Variants in ARB2A observed in about 807,000 individuals in gnomAD.
ARB2A encodes ARB2 cotranscriptional regulator A.
the ARB2A span, among the ~76,000 whole-genome samples, chr5:93,711,034 C>T: frequency 6.6e-6 from 1 of 152,062 alleles, no homozygotes; most frequent in Admixed American, 6.6e-5. Context: ...GACAGTAGCA[C>T]TTAAGAAACC....
chr5:94,041,027 C>A, the ARB2A span, among the ~76,000 whole-genome samples: 1 of 152,110 alleles, frequency 6.6e-6, no homozygotes. Context: ...AACCCAGAAG[C>A]CTGGCATGTC....
the ARB2A span, among the ~76,000 whole-genome samples, chr5:93,842,241 GCTGC>G: frequency 6.6e-6 from 1 of 152,196 alleles, no homozygotes; most frequent in Non-Finnish European, 1.5e-5. Context: ...TGAGCTGCAA[GCTGC>G]CTGCCTGTTT....
At chr5:93,873,660 A>C in the ARB2A span, among the ~76,000 whole-genome samples, 124 of 152,334 alleles carry the variant, frequency 8.1e-4, no homozygotes, top group Non-Finnish European at 1.0e-3. Context: ...TTTGGTGAAC[A>C]GTTAATGATT....
the ARB2A span, among the ~76,000 whole-genome samples, chr5:93,965,139 T>A: frequency 4.6e-5 from 7 of 152,014 alleles, no homozygotes; most frequent in African/African-American, 1.7e-4. Context: ...ATGGCGAGAT[T>A]TTCTAGGATT....
chr5:94,041,114 C>T, the ARB2A span, among the ~76,000 whole-genome samples: 1 of 151,880 alleles, frequency 6.6e-6, no homozygotes, highest in Non-Finnish European at 1.5e-5. Context: ...CTCTCTCTCT[C>T]TGTGCAAACC....
the ARB2A span, among the ~76,000 whole-genome samples, chr5:93,779,337 A>G: frequency 6.6e-6 from 1 of 152,180 alleles, no homozygotes; most frequent in South Asian, 2.1e-4. Context: ...GAAATGTGTT[A>G]CTATAGTTTA....
the ARB2A span, among the ~76,000 whole-genome samples, chr5:94,020,077 G>A: frequency 6.6e-6 from 1 of 152,156 alleles, no homozygotes; most frequent in African/African-American, 2.4e-5. Context: ...GTAATGCTAT[G>A]TAGCCATAAA....
the ARB2A span, among the ~76,000 whole-genome samples, chr5:94,046,413 AACTCTC>A: frequency 6.6e-6 from 1 of 152,022 alleles, no homozygotes; most frequent in Non-Finnish European, 1.5e-5. Flanking sequence ...TACCCCATGG[AACTCTC>A]ACTCTGGGAC....
the ARB2A span, among the ~76,000 whole-genome samples, chr5:94,024,370 G>T: frequency 6.6e-6 from 1 of 152,094 alleles, no homozygotes; most frequent in Non-Finnish European, 1.5e-5. Context: ...CCAGCCTGCT[G>T]GCCTCCCCCA....
the ARB2A span, chr5:93,740,412 C>A: frequency 2.8e-6 from 2 of 710,284 alleles, no homozygotes; most frequent in Non-Finnish European, 4.5e-6. Context: ...CCAGGTTTTT[C>A]TTGAACAATT....
At chr5:93,876,961 C>T in the ARB2A span, among the ~76,000 whole-genome samples, 3 of 152,154 alleles carry the variant, frequency 2.0e-5, no homozygotes, top group African/African-American at 7.2e-5. Flanking sequence ...AACTATCTTA[C>T]ATATTAAAGA....
At chr5:93,952,311 T>G in the ARB2A span, among the ~76,000 whole-genome samples, 2 of 152,334 alleles carry the variant, frequency 1.3e-5, no homozygotes, top group South Asian at 4.1e-4. Context: ...AGAATCACAT[T>G]ACCTGACTTC....
At chr5:93,975,712 C>T in the ARB2A span, among the ~76,000 whole-genome samples, 13,863 of 152,106 alleles carry the variant, frequency 0.091, 797 homozygotes, top group Middle Eastern at 0.16. Context: ...CTGAAACACA[C>T]AACCTCCCAA....
the ARB2A span, chr5:93,824,312 A>C: frequency 2.2e-6 from 3 of 1,378,912 alleles, no homozygotes; most frequent in Non-Finnish European, 2.9e-6. Flanking sequence ...ATACCTAATT[A>C]TTATCATAGC....
At chr5:93,624,666 T>C in the ARB2A span, among the ~76,000 whole-genome samples, 2 of 152,186 alleles carry the variant, frequency 1.3e-5, no homozygotes, top group African/African-American at 4.8e-5. Flanking sequence ...TGGAGGCATT[T>C]TGGAAATTTG....
the ARB2A span, among the ~76,000 whole-genome samples, chr5:94,069,070 A>ATAGATAGATAGG: frequency 1.3e-5 from 2 of 151,790 alleles, no homozygotes; most frequent in Admixed American, 1.3e-4. Context: ...AGATAGATAG[A>ATAGATAGATAGG]TAGATAGATA....
chr5:93,930,553 A>T, the ARB2A span, among the ~76,000 whole-genome samples: 1 of 152,202 alleles, frequency 6.6e-6, no homozygotes, highest in African/African-American at 2.4e-5. Flanking sequence ...ATATTTAAAA[A>T]TTTCAATAGG....
chr5:94,054,813 C>T, the ARB2A span, among the ~76,000 whole-genome samples: 1 of 152,202 alleles, frequency 6.6e-6, no homozygotes, highest in Admixed American at 6.5e-5. Flanking sequence ...TTATTTATAT[C>T]AGTATGGACT....
At chr5:93,905,472 CTT>C in the ARB2A span, among the ~76,000 whole-genome samples, 1 of 151,494 alleles carries the variant, frequency 6.6e-6, no homozygotes, top group Non-Finnish European at 1.5e-5. Flanking sequence ...AATAAAGTAA[CTT>C]TTTCGGAAAA....
Sources: allele counts gnomAD v4.1 joint callset (sites outside exome capture counted in the v4.1 genomes callset), GRCh38; gene constraint gnomAD v4.1.1; transcripts MANE v1.5; gene names NCBI Gene and HGNC (gene_info 2026-07-23, HGNC 2026-07-21).